Variants in ZDHHC21 observed in about 807,000 individuals in gnomAD.
ZDHHC21 encodes palmitoyltransferase ZDHHC21.
A neutral mutation model predicts 34.6 loss-of-function variants in ZDHHC21; 15 were observed. The ratio of observed to expected loss-of-function variants is 0.43; its 90% CI spans 0.29 to 0.67. The LOEUF is 0.67. Ranked by LOEUF, ZDHHC21 falls within the 30% of genes least tolerant of loss-of-function variation. ZDHHC21 has a pLI of 0.14. For missense variants in ZDHHC21, 344 were observed against 327.7 expected, an observed-to-expected ratio of 1.05 and a Z score of -0.38; for synonymous variants, 142 against 101.8, an observed-to-expected ratio of 1.40 and a Z score of -2.38.
At chr9:14,602,062 G>C in the ZDHHC21 span, among the ~76,000 whole-genome samples, 1 of 151,930 alleles carries the variant, frequency 6.6e-6, no homozygotes, top group Middle Eastern at 3.4e-3. Context: ...CGGGTTGATG[G>C]GTGCAGCAAA....
chr9:14,599,987 G>A, the ZDHHC21 span, among the ~76,000 whole-genome samples: 1 of 152,066 alleles, frequency 6.6e-6, no homozygotes, highest in Non-Finnish European at 1.5e-5. Flanking sequence ...AACAAACTAG[G>A]TATTGATGGA....
Position 14,617,617 on chromosome 9 carries a change from T to A in ZDHHC21, c.*1349A>T, listed in dbSNP as rs917558040. On this transcript the variant is annotated 3_prime_UTR_variant, in exon 10 of 10. Transcript: ENST00000380916. The stretch of plus-strand genomic sequence containing the variant: ...TACATAAATTTTTTAAAAAGATATA[T>A]GGGTTTTGCAGTATTCTAATGGAAA... 6.6e-6 allele frequency: 1 copy of A among 151,984 alleles called. No homozygotes were observed. The highest frequency in any genetic ancestry group is 2.4e-5 in the African/African-American group (1 of 41,420). 9.4% of individuals were successfully genotyped at this position (151,984 alleles called of 1,614,324 possible).
chr9:14,604,039 G>A, the ZDHHC21 span, among the ~76,000 whole-genome samples: 2 of 152,018 alleles, frequency 1.3e-5, no homozygotes, highest in Middle Eastern at 3.2e-3. Flanking sequence ...CTGGCAAATC[G>A]ATTGGACTGA....
At chr9:14,663,994 C>CG (rs1197929701) in intron 5 of ZDHHC21, among the ~76,000 whole-genome samples, 2 of 152,028 alleles carry the variant, frequency 1.3e-5, no homozygotes, top group Non-Finnish European at 2.9e-5. Context: ...ACTTTGAATT[C>CG]GGGGGGAGGA....
intron 5 of ZDHHC21, among the ~76,000 whole-genome samples, chr9:14,664,687 G>C (rs1332571520): frequency 6.6e-6 from 1 of 151,672 alleles, no homozygotes; most frequent in Non-Finnish European, 1.5e-5. Flanking sequence ...CCTCAAGTGG[G>C]TCCCTGACCC....
chr9:14,615,120 A>G lies in ZDHHC21; in HGVS notation c.*3846T>C, dbSNP rs1044900221. ...GTGAAAACACTCAAACTACCCCATG[A>G]TCTAACACACAGAAAATTGTGTAGC... On this transcript the variant is annotated 3_prime_UTR_variant, in exon 10 of 10. Coordinates refer to ENST00000380916, the MANE Select transcript of ZDHHC21 (RefSeq NM_178566.6). The G allele has an allele frequency of 1.3e-5, 2 of 151,706 alleles. No individual in the cohort carries two copies. Among genetic ancestry groups the G allele is most frequent in the Non-Finnish European group, 3.0e-5 (2 of 67,688 alleles). 9.4% of individuals were successfully genotyped at this position (151,706 alleles called of 1,614,324 possible).
At chr9:14,620,218 G>A (rs1001064765) in intron 8 of ZDHHC21, among the ~76,000 whole-genome samples, 3 of 151,836 alleles carry the variant, frequency 2.0e-5, no homozygotes, top group East Asian at 1.9e-4. Flanking sequence ...CTTTCTTAGC[G>A]GAAAAAATAA....
chr9:14,674,171 A>G lies in ZDHHC21; in HGVS notation c.154+16T>C. The G allele has an allele frequency of 6.8e-7, 1 of 1,460,998 alleles. No individual in the cohort carries two copies. Among genetic ancestry groups the G allele is most frequent in the Non-Finnish European group, 9.1e-7 (1 of 1,104,588 alleles). 90.5% of individuals were successfully genotyped at this position (1,460,998 alleles called of 1,614,324 possible). On this transcript the variant is annotated intron_variant, in intron 4 of 9. Transcript: ENST00000380916. ...GAAAAATAATTATACAAGAAAATAA[A>G]GATCAAGAAACTTACTTATTATTAA...
chr9:14,691,150 A>G (rs1839091734), intron 1 of ZDHHC21, among the ~76,000 whole-genome samples: 1 of 152,216 alleles, frequency 6.6e-6, no homozygotes, highest in Non-Finnish European at 1.5e-5. Flanking sequence ...CCAGAAAAAC[A>G]GCTCCATGTT....
At chr9:14,644,149 T>C (rs1172169175) in intron 7 of ZDHHC21, among the ~76,000 whole-genome samples, 1 of 152,194 alleles carries the variant, frequency 6.6e-6, no homozygotes, top group Non-Finnish European at 1.5e-5. Context: ...TTTGATTCTA[T>C]TATAAATGGC....
intron 7 of ZDHHC21, among the ~76,000 whole-genome samples, chr9:14,657,240 G>A (rs1368485110): frequency 6.6e-6 from 1 of 151,914 alleles, no homozygotes; most frequent in East Asian, 1.9e-4. Context: ...AAAATTAATA[G>A]GCCAAAGAAA....
the ZDHHC21 span, among the ~76,000 whole-genome samples, chr9:14,601,574 G>T: frequency 6.6e-6 from 1 of 152,274 alleles, no homozygotes; most frequent in Admixed American, 6.5e-5. Context: ...CAACAATTGT[G>T]CAAGACAGTG....
chr9:14,662,288 T>C lies in ZDHHC21; in HGVS notation c.292A>G (p.Met98Val), dbSNP rs569986506. The change falls in exon 6 of 10, where the codon ATG becomes GTG. Residue 98 changes from methionine (M) to valine (V), a missense_variant. Met to Val is a conservative substitution (Grantham distance 21). Coordinates refer to ENST00000380916, the MANE Select transcript of ZDHHC21 (RefSeq NM_178566.6). ...CAGTGATGGGAACGCTTTGGTCTCA[T>C]CAAATTACACTTGTTACATAATTCC... ...FWELCNKCNL[M>V]RPKRSHHCSR... The C allele has an allele frequency of 1.9e-5, 31 of 1,612,426 alleles. 1 individual carries two copies. The South Asian group carries it at 2.6e-4, about 14-fold the overall frequency.
chr9:14,592,086 A>G, the ZDHHC21 span, among the ~76,000 whole-genome samples: 1 of 152,160 alleles, frequency 6.6e-6, no homozygotes, highest in African/African-American at 2.4e-5. Context: ...CATTTTTACA[A>G]TTAGTTTTTC....
intron 8 of ZDHHC21, among the ~76,000 whole-genome samples, chr9:14,635,343 A>C (rs761066985): frequency 6.6e-6 from 1 of 152,202 alleles, no homozygotes; most frequent in African/African-American, 2.4e-5. Flanking sequence ...GGGATCCCCA[A>C]ACAGATACAA....
At chr9:14,650,629 CA>C (rs1441253773) in intron 7 of ZDHHC21, among the ~76,000 whole-genome samples, 2 of 151,896 alleles carry the variant, frequency 1.3e-5, no homozygotes, top group Admixed American at 1.3e-4. Flanking sequence ...TACAAATATT[CA>C]AAGCTACCTG....
At chr9:14,651,005 A>G (rs1043029949) in intron 7 of ZDHHC21, among the ~76,000 whole-genome samples, 1 of 152,006 alleles carries the variant, frequency 6.6e-6, no homozygotes, top group African/African-American at 2.4e-5. Flanking sequence ...AAAGGACATA[A>G]TTTTAGAATT....
intron 7 of ZDHHC21, among the ~76,000 whole-genome samples, chr9:14,649,464 A>C (rs1830838751): frequency 6.6e-6 from 1 of 152,050 alleles, no homozygotes; most frequent in Non-Finnish European, 1.5e-5. Context: ...GGGTATGAGC[A>C]CTTTTTGGAA....
chr9:14,626,664 T>C (rs1206762922), intron 8 of ZDHHC21, among the ~76,000 whole-genome samples: 1 of 151,894 alleles, frequency 6.6e-6, no homozygotes, highest in Non-Finnish European at 1.5e-5. Context: ...TAAAAGAGTA[T>C]TTCATGTAAA....
Sources: gnomAD v4.1 joint callset for allele counts (sites outside exome capture counted in the v4.1 genomes callset) on GRCh38, gnomAD v4.1.1 for gene constraint, MANE v1.5 for transcripts, NCBI Gene and HGNC (gene_info 2026-07-23, HGNC 2026-07-21) for gene names.